DNAL1: variants seen among roughly 807,000 people sequenced by gnomAD.
DNAL1 encodes the protein dynein axonemal light chain 1, also known as chromosome 14 open reading frame 168.
A neutral mutation model predicts 29.4 loss-of-function variants in DNAL1; 17 were observed. That is an observed-to-expected ratio of 0.58 (90% CI 0.40 to 0.87). The LOEUF (loss-of-function observed/expected upper bound fraction) is 0.87. Among genes scored for constraint, DNAL1 ranks in the 40% least tolerant of loss-of-function variants. DNAL1 has a pLI of 0.00. For missense variants in DNAL1, 188 were observed against 214.1 expected, an observed-to-expected ratio of 0.88 and a Z score of 0.76; for synonymous variants, 78 against 76.3, an observed-to-expected ratio of 1.02 and a Z score of -0.12.
At chr14:73,681,633 A>AAATATATATATAT (rs1555402645) in intron 5 of DNAL1, among the ~76,000 whole-genome samples, 6 of 35,414 alleles carry the variant, frequency 1.7e-4, no homozygotes, top group African/African-American at 1.1e-3. Context: ...AAAAAAAAAA[A>AAATATATATATAT]ATATATATAT....
intron 1 of DNAL1, 100 bp downstream of exon 1, chr14:73,645,142 G>T: frequency 6.5e-7 from 1 of 1,547,728 alleles, no homozygotes; most frequent in Non-Finnish European, 8.8e-7. Flanking sequence ...TTGAACAGCG[G>T]AAGGGAGCCG....
At chr14:73,669,985 AC>A (rs1891579737) in intron 4 of DNAL1, among the ~76,000 whole-genome samples, 1 of 87,992 alleles carries the variant, frequency 1.1e-5, no homozygotes, top group South Asian at 2.6e-4. Flanking sequence ...ACACACACAT[AC>A]ACACACACAC....
chr14:73,669,857 T>G (rs1891576507), intron 4 of DNAL1, among the ~76,000 whole-genome samples: 1 of 152,176 alleles, frequency 6.6e-6, no homozygotes, highest in African/African-American at 2.4e-5. Context: ...CTTCAACAGT[T>G]AAATCATTTT....
chr14:73,690,037 CA>C (rs569314573), intron 7 of DNAL1, among the ~76,000 whole-genome samples: 159 of 33,274 alleles, frequency 4.8e-3, no homozygotes, highest in Non-Finnish European at 3.3e-3. Flanking sequence ...AATTCCGTCT[CA>C]AAAAAAAAAA....
chr14:73,659,345 G>A (rs1216177090), intron 3 of DNAL1, among the ~76,000 whole-genome samples: 1 of 151,242 alleles, frequency 6.6e-6, no homozygotes, highest in African/African-American at 2.4e-5. Context: ...TGTATTTTTA[G>A]TAGAGATAGG....
intron 4 of DNAL1, among the ~76,000 whole-genome samples, chr14:73,663,816 G>T (rs114348344): frequency 6.6e-6 from 1 of 152,184 alleles, no homozygotes; most frequent in African/African-American, 2.4e-5. Context: ...GTGAGTTGCT[G>T]TTTTTACAGC....
intron 6 of DNAL1, among the ~76,000 whole-genome samples, chr14:73,687,697 C>A (rs1024537793): frequency 6.6e-6 from 1 of 152,120 alleles, no homozygotes; most frequent in Admixed American, 6.6e-5. Flanking sequence ...ACGGTGAAAC[C>A]CCGTCTCTAC....
intron 2 of DNAL1, 83 bp from the exon 3 acceptor site, chr14:73,658,764 G>A: frequency 1.0e-6 from 1 of 986,746 alleles, no homozygotes; most frequent in Non-Finnish European, 1.5e-6. Flanking sequence ...AAATAAACAT[G>A]GAAAAGCCTT....
Position 73,672,451 on chromosome 14 carries a change from C to A in DNAL1, c.264+854C>A, listed in dbSNP as rs544543523. On this transcript the variant is annotated intron_variant, in intron 5 of 7. Transcript: ENST00000553645. ...AAACCCTATCTCTATTAAAAAAATA[C>A]AAAAAAACTAGCTGGGTGTGGTGGC... Among the ~76,000 whole-genome samples, 25 of 151,252 alleles carry A rather than the reference C, an allele frequency of 1.7e-4. No homozygotes were observed. The East Asian group carries it at 3.9e-3, about 24-fold the overall frequency.
In DNAL1 at chr14:73,659,152, T is replaced by C. The variant is rs1891281280; in HGVS notation, c.152+196T>C. Among the ~76,000 whole-genome samples, 4 of 148,358 alleles carry C rather than the reference T, an allele frequency of 2.7e-5. No homozygotes were observed. The Admixed American group carries it at 2.7e-4, about 10-fold the overall frequency. On this transcript the variant is annotated intron_variant, in intron 3 of 7. Transcript: ENST00000553645. ...ATTATTAATAGAAAATATTGAACAG[T>C]ATAGTACAATTTTTTTTTTTTTTTT...
At chr14:73,690,662 A>G (rs1892152545) in intron 7 of DNAL1, among the ~76,000 whole-genome samples, 1 of 152,098 alleles carries the variant, frequency 6.6e-6, no homozygotes, top group Non-Finnish European at 1.5e-5. Flanking sequence ...CAAAAAAAAA[A>G]AAAAGAGAAG....
chr14:73,677,864 T>TTA lies in DNAL1; in HGVS notation c.264+6285_264+6286dup, dbSNP rs35545274. Reference sequence around the variant, plus strand: ...GAGCCACCATGCCCGGCCCATATATTTATATATATATATATATATTTGTGT... The same window carrying TTA: ...GAGCCACCATGCCCGGCCCATATATTTATATATATATATATATATATTTGTGT... On this transcript the variant is annotated intron_variant, in intron 5 of 7. Transcript: ENST00000553645. Among the ~76,000 whole-genome samples the TTA allele has an allele frequency of 9.0e-4, 118 of 130,820 alleles. 3 individuals are homozygous for TTA. In the South Asian group the frequency reaches 0.017, roughly 19 times the overall value. The allele number at this position is 130,820 out of a possible 152,430, so 85.8% of individuals were successfully genotyped here.
At chr14:73,677,852 C>T (rs1187458845) in intron 5 of DNAL1, among the ~76,000 whole-genome samples, 13 of 146,640 alleles carry the variant, frequency 8.9e-5, no homozygotes, top group Middle Eastern at 3.7e-3. Context: ...CCACCATGCC[C>T]GGCCCATATA....
intron 7 of DNAL1, among the ~76,000 whole-genome samples, chr14:73,691,127 T>C (rs1055084145): frequency 5.3e-5 from 8 of 152,226 alleles, no homozygotes; most frequent in Non-Finnish European, 1.2e-4. Context: ...ATAGTATCAT[T>C]AGTAATCATT....
intron 2 of DNAL1, among the ~76,000 whole-genome samples, chr14:73,658,268 G>A (rs1045722715): frequency 8.5e-5 from 13 of 152,162 alleles, no homozygotes; most frequent in Admixed American, 7.9e-4. Flanking sequence ...CTGTGTATCT[G>A]CTTTTATACC....
chr14:73,694,237 T>TATAAATAAATAAATAAATAAATAAATAA (rs56225198), intron 7 of DNAL1, among the ~76,000 whole-genome samples: 1 of 128,082 alleles, frequency 7.8e-6, no homozygotes, highest in Non-Finnish European at 1.6e-5. Flanking sequence ...AAGCCCTGTC[T>TATAAATAAATAAATAAATAAATAAATAA]ATAAATAAAT....
rs1349581736 is a variant in DNAL1, at chr14:73,699,498, G to A, written c.*3556G>A. ...TTTTTGTATTTTTAGTACAGACGGCGTTTCACCATATTGGCCAGGCTGGTC... is the reference window on the plus strand; with the variant it reads ...TTTTTGTATTTTTAGTACAGACGGCATTTCACCATATTGGCCAGGCTGGTC... On this transcript the variant is annotated 3_prime_UTR_variant, in exon 8 of 8. Coordinates refer to ENST00000553645, the MANE Select transcript of DNAL1 (RefSeq NM_031427.4). 2.7e-5 allele frequency: 3 copies of A among 111,284 alleles called. No individual in the cohort carries two copies. The highest frequency in any genetic ancestry group is 2.3e-4 in the Admixed American group (2 of 8,836). 6.9% of individuals were successfully genotyped at this position (111,284 alleles called of 1,614,324 possible).
intron 5 of DNAL1, among the ~76,000 whole-genome samples, chr14:73,678,511 CT>C (rs11379191): frequency 0.27 from 32,434 of 118,070 alleles, 4,149 homozygotes; most frequent in Non-Finnish European, 0.36. Flanking sequence ...AGCAGGTATT[CT>C]TTTTTTTTTT....
chr14:73,679,653 C>T (rs530732186), intron 5 of DNAL1, among the ~76,000 whole-genome samples: 1 of 152,186 alleles, frequency 6.6e-6, no homozygotes, highest in African/African-American at 2.4e-5. Flanking sequence ...TATATTTTCT[C>T]TTAGTTTGTT....
Sources: gnomAD v4.1 joint callset for allele counts (sites outside exome capture counted in the v4.1 genomes callset) on GRCh38, gnomAD v4.1.1 for gene constraint, MANE v1.5 for transcripts, NCBI Gene and HGNC (gene_info 2026-07-23, HGNC 2026-07-21) for gene names.